ADAM28: variants seen among roughly 807,000 people sequenced by gnomAD.
ADAM28 encodes disintegrin and metalloproteinase domain-containing protein 28.
ADAM28 carries 105 observed loss-of-function variants against 101.2 expected under a neutral mutation model. The observed-to-expected ratio is 1.04, with a 90% CI of 0.89 to 1.22. The LOEUF (loss-of-function observed/expected upper bound fraction) is 1.22. Among genes scored for constraint, ADAM28 ranks in the 50% most tolerant of loss-of-function variants. The pLI is 0.00. For missense variants in ADAM28, 1,028 were observed against 945.4 expected (o/e 1.09, Z -1.15); for synonymous variants, 322 against 310.6 (o/e 1.04, Z -0.39).
Position 24,354,470 on chromosome 8 carries a change from A to C in ADAM28, c.*66A>C. On this transcript the variant is annotated 3_prime_UTR_variant, in exon 23 of 23. Coordinates refer to ENST00000265769, the MANE Select transcript of ADAM28 (RefSeq NM_014265.6). Reference sequence around the variant, plus strand: ...TGGAAAACTGGAAAATCTGGATGGCAGAGAAATATACTATCTATCTCACCA... The same window carrying C: ...TGGAAAACTGGAAAATCTGGATGGCCGAGAAATATACTATCTATCTCACCA... 1 of 1,415,956 alleles carries C rather than the reference A, an allele frequency of 7.1e-7. No homozygotes were observed. Among genetic ancestry groups the C allele is most frequent in the Non-Finnish European group, 9.3e-7 (1 of 1,074,540 alleles). 87.7% of individuals were successfully genotyped at this position (1,415,956 alleles called of 1,614,324 possible). A position where few individuals can be genotyped will look rare whatever the true frequency, so the allele number is the denominator to read the frequency against.
At chr8:24,329,962 T>G in intron 10 of ADAM28, 23 bp from the exon 11 acceptor site, 1 of 1,594,536 alleles carries the variant, frequency 6.3e-7, no homozygotes, top group Non-Finnish European at 8.6e-7. Context: ...TCAGAGAATC[T>G]TTTTCTTCTT....
intron 13 of ADAM28, among the ~76,000 whole-genome samples, chr8:24,333,278 C>CG (rs1291489656): frequency 1.3e-5 from 2 of 151,928 alleles, no homozygotes; most frequent in Non-Finnish European, 2.9e-5. Context: ...ACAATGTGAC[C>CG]GTATTGTATG....
chr8:24,349,766 G>T, intron 18 of ADAM28, 98 bp from the exon 19 acceptor site: 1 of 834,284 alleles, frequency 1.2e-6, no homozygotes, highest in Non-Finnish European at 1.9e-6. Context: ...TGGAGAAAAG[G>T]GTAGCTGGAA....
intron 21 of ADAM28, 43 bp from the exon 22 acceptor site, chr8:24,353,727 T>G (rs200417420): frequency 8.3e-7 from 1 of 1,207,350 alleles, no homozygotes; most frequent in Non-Finnish European, 1.2e-6. Flanking sequence ...GGGACAAGCA[T>G]AGCATTTCTA....
chr8:24,349,876 T>G lies in ADAM28; in HGVS notation c.2003T>G (p.Val668Gly). Residue 668 changes from valine (V) to glycine (G), a missense_variant, in exon 19 of 23, where the codon GTG becomes GGG. Physicochemically the swap from Val to Gly is moderately radical, Grantham distance 109 (BLOSUM62 -3). Coordinates refer to ENST00000265769, the MANE Select transcript of ADAM28 (RefSeq NM_014265.6). ...DSSVVFHFSIVVGVLFPMAVI... is the reference protein window; with the variant it reads ...DSSVVFHFSIGVGVLFPMAVI... ...TTCTCTGCTGCAGACTTCTCCATTG[T>G]GGTTGGGGTGCTGTTCCCAATGGCG... 6.2e-7 allele frequency: 1 copy of G among 1,613,640 alleles called. No homozygotes were observed. The highest frequency in any genetic ancestry group is 1.1e-5 in the South Asian group (1 of 91,072).
intron 2 of ADAM28, 110 bp downstream of exon 2, chr8:24,300,187 T>C: frequency 2.2e-6 from 2 of 893,908 alleles, no homozygotes; most frequent in Non-Finnish European, 3.3e-6. Flanking sequence ...TGTATGTTTA[T>C]ATATGTGTGT....
Position 24,311,689 on chromosome 8 carries a change from G to A in ADAM28, c.383+252G>A, listed in dbSNP as rs146252550. On this transcript the variant is annotated intron_variant, in intron 5 of 22. Coordinates refer to ENST00000265769, the MANE Select transcript of ADAM28 (RefSeq NM_014265.6). ...TACAGGATTTTGAATCCCAGTTCTG[G>A]AGTCAGAATCTTTAGGTAATGGGAG... Among the ~76,000 whole-genome samples, 17 of 152,190 alleles carry A rather than the reference G, an allele frequency of 1.1e-4. No homozygotes were observed. Among genetic ancestry groups the A allele is most frequent in the South Asian group, 2.1e-4 (1 of 4,818 alleles).
chr8:24,351,142 GAA>G (rs1816069672), intron 19 of ADAM28, 88 bp from the exon 20 acceptor site: 1 of 1,129,280 alleles, frequency 8.9e-7, no homozygotes, highest in Non-Finnish European at 1.2e-6. Context: ...GACACAATGG[GAA>G]AAAGAAGTTG....
Position 24,331,627 on chromosome 8 carries a change from G to A in ADAM28, c.1281+300G>A, listed in dbSNP as rs1342020995. The stretch of plus-strand genomic sequence containing the variant: ...AAGTGAAATACTTGAAGCTCCTTAC[G>A]TGACTATGACTTACCCAGTATTACT... On this transcript the variant is annotated intron_variant, in intron 12 of 22. Coordinates refer to ENST00000265769, the MANE Select transcript of ADAM28 (RefSeq NM_014265.6). 7.9e-5 allele frequency among the ~76,000 whole-genome samples: 12 copies of A among 151,906 alleles called. No individual in the cohort carries two copies. In the East Asian group the frequency reaches 2.1e-3, roughly 27 times the overall value.
chr8:24,315,702 C>CAAAG lies in ADAM28; in HGVS notation c.576+2127_576+2130dup, dbSNP rs1186307458. On this transcript the variant is annotated intron_variant, in intron 6 of 22. Coordinates refer to ENST00000265769, the MANE Select transcript of ADAM28 (RefSeq NM_014265.6). ...TATACCTAACCCAAGACAAAGACGCCAAAGAAAGGAAAACTACAGGCCAAT... is the reference window on the plus strand; with the variant it reads ...TATACCTAACCCAAGACAAAGACGCCAAAGAAAGAAAGGAAAACTACAGGCCAAT... 2.6e-5 allele frequency among the ~76,000 whole-genome samples: 4 copies of CAAAG among 151,916 alleles called. No individual in the cohort carries two copies. In the East Asian group the frequency reaches 7.7e-4, roughly 29 times the overall value.
intron 2 of ADAM28, chr8:24,300,777 CTCTA>C (rs1294773561): frequency 3.3e-5 from 5 of 152,182 alleles, no homozygotes; most frequent in African/African-American, 1.2e-4. Context: ...GATGCTATCT[CTCTA>C]TCTATCCATC....
At chr8:24,347,977 TTTTG>T (rs1181727796) in intron 18 of ADAM28, among the ~76,000 whole-genome samples, 2 of 152,088 alleles carry the variant, frequency 1.3e-5, no homozygotes, top group Admixed American at 6.6e-5. Context: ...CATCTTTGGT[TTTTG>T]TTTGTTTCTT....
At chr8:24,335,913 A>G (rs1269566135) in intron 14 of ADAM28, 3 of 1,132,694 alleles carry the variant, frequency 2.6e-6, no homozygotes, top group Non-Finnish European at 3.3e-6. Context: ...ATCCCATGCA[A>G]TATTTGAGGT....
chr8:24,331,265 A>T lies in ADAM28; in HGVS notation c.1219A>T (p.Thr407Ser). Reference sequence around the variant, plus strand: ...TCCATTGCCTACAGATATCATATCCACTCCAATTTGTGGGAACCAGTTGGT... The same window carrying T: ...TCCATTGCCTACAGATATCATATCCTCTCCAATTTGTGGGAACCAGTTGGT... ...NAPLPTDIIS[T>S]PICGNQLVEM... The change falls in exon 12 of 23, where the codon ACT becomes TCT. Residue 407 changes from threonine (T) to serine (S), a missense_variant. Thr to Ser is a moderately conservative substitution (Grantham distance 58, BLOSUM62 1). Coordinates refer to ENST00000265769, the MANE Select transcript of ADAM28 (RefSeq NM_014265.6). 6.2e-7 allele frequency: 1 copy of T among 1,611,834 alleles called. No homozygotes were observed. Among genetic ancestry groups the T allele is most frequent in the Non-Finnish European group, 8.5e-7 (1 of 1,178,964 alleles).
rs1816204174 is a variant in ADAM28, at chr8:24,351,924, T to G, written c.2179-63T>G. The G allele has an allele frequency of 1.9e-6, 3 of 1,569,020 alleles. No individual in the cohort carries two copies. In the Admixed American group the frequency reaches 5.0e-5, roughly 26 times the overall value. On this transcript the variant is annotated intron_variant, in intron 20 of 22. Coordinates refer to ENST00000265769, the MANE Select transcript of ADAM28 (RefSeq NM_014265.6). ...GCCTTGAAAAGTGCTTACTTAAAAA[T>G]TACTTAAAAACTGTGCTTATGAAAC...
chr8:24,313,779 T>C (rs1297695187), intron 6 of ADAM28, among the ~76,000 whole-genome samples, 199 bp downstream of exon 6: 1 of 149,358 alleles, frequency 6.7e-6, no homozygotes, highest in Admixed American at 6.7e-5. Flanking sequence ...TTTTTTGAGA[T>C]GGAGTTTCAC....
intron 6 of ADAM28, among the ~76,000 whole-genome samples, chr8:24,314,969 G>A (rs1810972351): frequency 7.0e-6 from 1 of 143,758 alleles, no homozygotes; most frequent in African/African-American, 2.5e-5. Context: ...AATGAGAAAA[G>A]AATAAAAATG....
intron 18 of ADAM28, 90 bp downstream of exon 18, chr8:24,343,674 C>T (rs1815065065): frequency 8.4e-7 from 1 of 1,184,068 alleles, no homozygotes; most frequent in Non-Finnish European, 1.2e-6. Context: ...TGCTTCTTTT[C>T]TCTGTTCTTG....
intron 2 of ADAM28, among the ~76,000 whole-genome samples, chr8:24,306,010 G>A (rs979445452): frequency 6.6e-6 from 1 of 152,130 alleles, no homozygotes; most frequent in Non-Finnish European, 1.5e-5. Context: ...TGACAGGGTT[G>A]CCAGATGAAA....
Sources: allele counts gnomAD v4.1 joint callset (sites outside exome capture counted in the v4.1 genomes callset), GRCh38; gene constraint gnomAD v4.1.1; transcripts MANE v1.5; gene names NCBI Gene and HGNC (gene_info 2026-07-23, HGNC 2026-07-21).